The following MCTP1 variants were observed in gnomAD, a reference collection of about 807,000 sequenced individuals.
MCTP1 encodes the protein multiple C2 and transmembrane domain containing 1.
Under a neutral mutation model 120.6 loss-of-function variants are expected in MCTP1, and 69 were observed. The observed-to-expected ratio is 0.57, with a 90% CI of 0.47 to 0.70. The LOEUF (loss-of-function observed/expected upper bound fraction) is 0.70. Among genes scored for constraint, MCTP1 ranks in the 30% least tolerant of loss-of-function variants. The pLI, the probability that MCTP1 is intolerant of heterozygous loss-of-function variation, is 0.00. For synonymous variants in MCTP1, 529 were observed against 493.1 expected, an observed-to-expected ratio of 1.07 and a Z score of -0.96; for missense variants, 1,203 against 1,248.8, an observed-to-expected ratio of 0.96 and a Z score of 0.55.
intron 1 of MCTP1, among the ~76,000 whole-genome samples, chr5:95,197,681 T>C (rs1437148716): frequency 6.6e-6 from 1 of 152,156 alleles, no homozygotes; most frequent in Non-Finnish European, 1.5e-5. Flanking sequence ...AGGAGAGATA[T>C]ATACATATAT....
intron 19 of MCTP1, among the ~76,000 whole-genome samples, chr5:94,716,753 A>AT (rs1759521517): frequency 6.9e-6 from 1 of 144,518 alleles, no homozygotes; most frequent in African/African-American, 2.7e-5. Flanking sequence ...ATATATAAAA[A>AT]GTTTTTTTTT....
chr5:94,889,360 GGGTGGATCACAAGGTCA>G (rs1263098870), intron 11 of MCTP1, among the ~76,000 whole-genome samples: 2 of 152,066 alleles, frequency 1.3e-5, no homozygotes, highest in Non-Finnish European at 2.9e-5. Context: ...AAGCTGAGGT[GGGTGGATCACAAGGTCA>G]GGAGTTCAAG....
chr5:95,094,733 T>C (rs890910701), intron 1 of MCTP1, among the ~76,000 whole-genome samples: 3 of 152,136 alleles, frequency 2.0e-5, no homozygotes, highest in Admixed American at 6.5e-5. Context: ...AATAAAAACA[T>C]AGTTCTGCTT....
intron 1 of MCTP1, among the ~76,000 whole-genome samples, chr5:95,250,294 A>G (rs1757258070): frequency 6.6e-6 from 1 of 152,204 alleles, no homozygotes; most frequent in Non-Finnish European, 1.5e-5. Flanking sequence ...GCCACTCTGC[A>G]TCGCCCCATG....
At chr5:95,129,785 C>T (rs28520326) in intron 1 of MCTP1, among the ~76,000 whole-genome samples, 86 of 152,192 alleles carry the variant, frequency 5.7e-4, no homozygotes, top group African/African-American at 1.8e-3. Flanking sequence ...CCCAGTCTCC[C>T]GAGTAGCTGG....
intron 1 of MCTP1, among the ~76,000 whole-genome samples, chr5:95,179,061 A>G (rs1435070173): frequency 6.6e-6 from 1 of 152,240 alleles, no homozygotes; most frequent in Non-Finnish European, 1.5e-5. Context: ...ATAGAATAAA[A>G]TGATCAGAAG....
intron 18 of MCTP1, among the ~76,000 whole-genome samples, chr5:94,798,101 TA>T (rs11300597): frequency 0.43 from 63,120 of 148,068 alleles, 13,514 homozygotes; most frequent in East Asian, 0.63. Flanking sequence ...TCCTTGATGG[TA>T]AAAAAAAAAA....
intron 17 of MCTP1, among the ~76,000 whole-genome samples, chr5:94,831,698 G>GT (rs200845729): frequency 6.6e-6 from 1 of 152,036 alleles, no homozygotes; most frequent in African/African-American, 2.4e-5. Context: ...GCTTTAATGA[G>GT]TTTTATTTTA....
At chr5:94,988,595 GTGT>G (rs1368961218) in intron 2 of MCTP1, among the ~76,000 whole-genome samples, 2,215 of 124,322 alleles carry the variant, frequency 0.018, 62 homozygotes, top group African/African-American at 0.068. Flanking sequence ...TTCCCTGTGT[GTGT>G]TTTTTTTTTT....
chr5:94,971,227 A>G (rs922032284), intron 2 of MCTP1, among the ~76,000 whole-genome samples: 2 of 152,148 alleles, frequency 1.3e-5, no homozygotes, highest in African/African-American at 4.8e-5. Context: ...AGAATAAGCC[A>G]TTCCACATAA....
chr5:95,210,928 T>G (rs1445833293), intron 1 of MCTP1, among the ~76,000 whole-genome samples: 2 of 152,208 alleles, frequency 1.3e-5, no homozygotes, highest in African/African-American at 4.8e-5. Flanking sequence ...TCTCCTTCAC[T>G]TATGAAGCTT....
At chr5:94,966,521 C>T (rs1351538039) in intron 2 of MCTP1, among the ~76,000 whole-genome samples, 4 of 151,954 alleles carry the variant, frequency 2.6e-5, no homozygotes, top group Admixed American at 6.6e-5. Context: ...GCTGGCCGGA[C>T]GCGGTGGCTC....
intron 17 of MCTP1, among the ~76,000 whole-genome samples, chr5:94,805,752 T>G (rs951918049): frequency 6.6e-6 from 1 of 150,534 alleles, no homozygotes; most frequent in Admixed American, 6.7e-5. Flanking sequence ...TACCTTCCTT[T>G]TACAAAGGAG....
chr5:94,929,618 A>C (rs1814039287), intron 6 of MCTP1: 1 of 956,120 alleles, frequency 1.0e-6, no homozygotes, highest in African/African-American at 1.8e-5. Context: ...TACACAGTAT[A>C]GTCCCTTACC....
At chr5:94,802,712 T>C (rs1015599434) in intron 17 of MCTP1, among the ~76,000 whole-genome samples, 1 of 152,208 alleles carries the variant, frequency 6.6e-6, no homozygotes, top group African/African-American at 2.4e-5. Context: ...AAACGAGAGA[T>C]ACAATAATGC....
At chr5:94,764,756 A>G (rs1368104216) in intron 19 of MCTP1, among the ~76,000 whole-genome samples, 1 of 150,864 alleles carries the variant, frequency 6.6e-6, no homozygotes, top group Non-Finnish European at 1.5e-5. Flanking sequence ...CTAAAAGGAG[A>G]TAGAGACTCC....
intron 2 of MCTP1, among the ~76,000 whole-genome samples, chr5:94,993,637 C>T (rs1832041610): frequency 6.6e-6 from 1 of 152,154 alleles, no homozygotes; most frequent in African/African-American, 2.4e-5. Context: ...TTTGGGGCTC[C>T]TCTCCAGCAA....
rs35248317 is a variant in MCTP1, at chr5:95,140,693, TAAAAAAAAAAAAA to T, written c.721-123222_721-123210del. Among the ~76,000 whole-genome samples, 105 of 27,630 alleles carry T rather than the reference TAAAAAAAAAAAAA, an allele frequency of 3.8e-3. 1 individual carries two copies. In the South Asian group the frequency reaches 0.087, roughly 23 times the overall value. 18.1% of individuals were successfully genotyped at this position (27,630 alleles called of 152,430 possible). On this transcript the variant is annotated intron_variant, in intron 1 of 22. Transcript: ENST00000515393. ...TAACACCGTGAAACCCTGTCCCTACTAAAAAAAAAAAAAAAAAAAAAAAAAAAAAAAAAAAAAT... is the reference window on the plus strand; with the variant it reads ...TAACACCGTGAAACCCTGTCCCTACTAAAAAAAAAAAAAAAAAAAAAAAAT...
intron 12 of MCTP1, among the ~76,000 whole-genome samples, chr5:94,886,202 C>CTGA (rs1801295606): frequency 6.6e-6 from 1 of 152,132 alleles, no homozygotes; most frequent in Non-Finnish European, 1.5e-5. Flanking sequence ...TATACTCACT[C>CTGA]ATTCAAAGAG....
Sources: gnomAD v4.1 joint callset for allele counts (sites outside exome capture counted in the v4.1 genomes callset) on GRCh38, gnomAD v4.1.1 for gene constraint, MANE v1.5 for transcripts, NCBI Gene and HGNC (gene_info 2026-07-23, HGNC 2026-07-21) for gene names.